STARD13: variants seen among roughly 807,000 people sequenced by gnomAD.
The protein encoded by STARD13 is StAR related lipid transfer domain containing 13.
A neutral mutation model predicts 106.4 loss-of-function variants in STARD13; 62 were observed. The observed-to-expected ratio is 0.58, with a 90% CI of 0.48 to 0.72. The LOEUF (loss-of-function observed/expected upper bound fraction) is 0.72, where lower values mean the gene tolerates loss of function less well. Ranked by LOEUF, STARD13 falls within the 30% of genes least tolerant of loss-of-function variation. The pLI is 0.00. For missense variants in STARD13, 1,387 were observed against 1,424.0 expected (o/e 0.97, Z 0.42); for synonymous variants, 565 against 553.0 (o/e 1.02, Z -0.31).
chr13:33,593,100 G>A, the STARD13 span, among the ~76,000 whole-genome samples: 1 of 152,210 alleles, frequency 6.6e-6, no homozygotes, highest in South Asian at 2.1e-4. Flanking sequence ...GCCTCTATGA[G>A]CCAAGGCTGA....
the STARD13 span, among the ~76,000 whole-genome samples, chr13:33,614,966 G>A: frequency 1.1e-4 from 17 of 152,172 alleles, no homozygotes; most frequent in Admixed American, 2.6e-4. Context: ...AGTTGACATG[G>A]TAGGGCTCAC....
At chr13:33,617,916 T>C in the STARD13 span, among the ~76,000 whole-genome samples, 2 of 152,144 alleles carry the variant, frequency 1.3e-5, no homozygotes, top group South Asian at 4.1e-4. Flanking sequence ...TGATAGAAAA[T>C]TGGCATAGGT....
At chr13:33,352,989 C>T (rs531276130), upstream of STARD13, among the ~76,000 whole-genome samples, 43 of 152,312 alleles carry the variant, frequency 2.8e-4, no homozygotes, top group African/African-American at 7.0e-4. Flanking sequence ...ACTGTCTTCC[C>T]TCCCATCGCA....
At chr13:33,335,966 TATTCATTCATTCATTC>T (rs757376191) in intron 1 of STARD13, among the ~76,000 whole-genome samples, 6 of 52,784 alleles carry the variant, frequency 1.1e-4, no homozygotes, top group South Asian at 9.0e-4. Context: ...GTTAAAATAT[TATTCATTCATTCATTC>T]ATTCATTCAT....
chr13:33,476,660 T>C, the STARD13 span, among the ~76,000 whole-genome samples: 2 of 152,246 alleles, frequency 1.3e-5, no homozygotes, highest in Admixed American at 6.5e-5. Context: ...GTTAGACTTA[T>C]GCAGGAAGTA....
intron 1 of STARD13, among the ~76,000 whole-genome samples, chr13:33,334,333 A>C (rs2138569750): frequency 6.6e-6 from 1 of 152,302 alleles, no homozygotes; most frequent in African/African-American, 2.4e-5. Flanking sequence ...GACAAGGACC[A>C]GATTGAAATA....
chr13:33,342,708 T>C (rs866698922), intron 1 of STARD13, among the ~76,000 whole-genome samples: 5 of 152,338 alleles, frequency 3.3e-5, no homozygotes, highest in Middle Eastern at 3.4e-3. Flanking sequence ...ATGATTATTT[T>C]TGTCCATCAA....
chr13:33,121,910 A>C (rs1037051137), intron 7 of STARD13, among the ~76,000 whole-genome samples: 1 of 151,308 alleles, frequency 6.6e-6, no homozygotes, highest in African/African-American at 2.4e-5. Context: ...CGATGGCACG[A>C]TCTCAGCTCA....
chr13:33,240,680 G>GTTTATCCTTAAGTAT (rs1481579665), intron 1 of STARD13, among the ~76,000 whole-genome samples: 2 of 143,280 alleles, frequency 1.4e-5, no homozygotes, highest in African/African-American at 2.5e-5. Flanking sequence ...GTATCCTTAA[G>GTTTATCCTTAAGTAT]TTTATCCTTA....
chr13:33,146,756 A>G (rs546710972), intron 3 of STARD13, among the ~76,000 whole-genome samples: 2 of 152,352 alleles, frequency 1.3e-5, no homozygotes, highest in South Asian at 2.1e-4. Flanking sequence ...TGGGCTTCCA[A>G]CAAACTAAGT....
At chr13:33,502,014 G>A in the STARD13 span, among the ~76,000 whole-genome samples, 2 of 152,184 alleles carry the variant, frequency 1.3e-5, no homozygotes, top group African/African-American at 4.8e-5. Flanking sequence ...TCCTATCCAT[G>A]AGCATGGAAT....
At chr13:33,231,392 A>G (rs1888913173) in intron 1 of STARD13, among the ~76,000 whole-genome samples, 1 of 152,162 alleles carries the variant, frequency 6.6e-6, no homozygotes, top group African/African-American at 2.4e-5. Flanking sequence ...CTTTCTTTAG[A>G]CTGGGTATGA....
chr13:33,624,567 C>T, the STARD13 span, among the ~76,000 whole-genome samples: 3 of 152,194 alleles, frequency 2.0e-5, no homozygotes, highest in African/African-American at 7.2e-5. Flanking sequence ...CAATGTCCTG[C>T]CCAGCATTGG....
the STARD13 span, among the ~76,000 whole-genome samples, chr13:33,462,526 G>A: frequency 3.3e-5 from 5 of 152,172 alleles, no homozygotes; most frequent in Non-Finnish European, 7.3e-5. Flanking sequence ...CAAGCTGAAG[G>A]GCAAGGAAGC....
At chr13:33,607,066 G>C in the STARD13 span, among the ~76,000 whole-genome samples, 7 of 150,680 alleles carry the variant, frequency 4.6e-5, no homozygotes, top group African/African-American at 1.7e-4. Flanking sequence ...AGTTCCCAGG[G>C]ATTACAAAGT....
Position 33,130,211 on chromosome 13 carries a change from CA to C in STARD13, c.465del (p.Val156TrpfsTer22). ...TFQRTSRRWS[R>X]VDDLYTLLPR... ...GGGAGCAGCGTGTAGAGGTCGTCCACACGAGACCACCTGCGACTGGTTCTTT... is the reference window on the plus strand; with the variant it reads ...GGGAGCAGCGTGTAGAGGTCGTCCACCGAGACCACCTGCGACTGGTTCTTT... On this transcript the variant is annotated frameshift_variant, in exon 5 of 14. Transcript: ENST00000336934. LOFTEE classifies it high-confidence loss of function. The surrounding 1 kb of genome is among the most constrained non-coding windows in gnomAD (Gnocchi z 4.1). 1 of 1,611,956 alleles carries C rather than the reference CA, an allele frequency of 6.2e-7. No homozygotes were observed.
At chr13:33,410,603 C>T in the STARD13 span, among the ~76,000 whole-genome samples, 1 of 152,190 alleles carries the variant, frequency 6.6e-6, no homozygotes, top group Non-Finnish European at 1.5e-5. Context: ...GAAGGGTCTT[C>T]TCCTACAAAA....
At chr13:33,456,283 G>C in the STARD13 span, among the ~76,000 whole-genome samples, 2 of 152,038 alleles carry the variant, frequency 1.3e-5, no homozygotes, top group African/African-American at 4.8e-5. Context: ...TCTGTCTCCC[G>C]GGTTCAAGCA....
At chr13:33,562,881 T>C in the STARD13 span, among the ~76,000 whole-genome samples, 3 of 147,050 alleles carry the variant, frequency 2.0e-5, no homozygotes, top group Admixed American at 7.0e-5. Context: ...TTGCCACCAA[T>C]GTAAAATTAT....
Sources: allele counts gnomAD v4.1 joint callset (sites outside exome capture counted in the v4.1 genomes callset), GRCh38; gene constraint gnomAD v4.1.1; non-coding constraint Gnocchi (gnomAD v3.1); transcripts MANE v1.5; gene names NCBI Gene and HGNC (gene_info 2026-07-23, HGNC 2026-07-21).